Variants in ROS1 observed in about 807,000 individuals in gnomAD.
ROS1 encodes the protein proto-oncogene tyrosine-protein kinase ROS.
A neutral mutation model predicts 273.5 loss-of-function variants in ROS1; 263 were observed. The ratio of observed to expected loss-of-function variants is 0.96; its 90% CI spans 0.87 to 1.06. The LOEUF (loss-of-function observed/expected upper bound fraction) is 1.06. ROS1 is among the 50% of genes least tolerant of loss of function. The probability of loss-of-function intolerance (pLI) is 0.00; values close to 1 mark genes in which losing one functional copy is unlikely to be tolerated. For synonymous variants in ROS1, 1,008 were observed against 954.1 expected (o/e 1.06, Z -1.04); for missense variants, 2,833 against 2,751.1 (o/e 1.03, Z -0.67).
intron 4 of ROS1, 148 bp downstream of exon 4, chr6:117,414,371 T>C (rs1775171798): frequency 1.6e-6 from 1 of 632,218 alleles, no homozygotes; most frequent in Non-Finnish European, 2.8e-6. Context: ...TACAGTCATC[T>C]GTATACTCAG....
At chr6:117,325,451 A>T (rs1441078228) in intron 34 of ROS1, among the ~76,000 whole-genome samples, 1 of 152,150 alleles carries the variant, frequency 6.6e-6, no homozygotes, top group Non-Finnish European at 1.5e-5. Context: ...GATAAACCAC[A>T]ATTGGAGGAT....
chr6:117,380,133 T>C (rs890757519), intron 17 of ROS1, among the ~76,000 whole-genome samples: 6 of 152,126 alleles, frequency 3.9e-5, no homozygotes, highest in Admixed American at 1.3e-4. Context: ...TTCGGAGCAG[T>C]GCAATCTCCC....
At chr6:117,375,270 T>C (rs186614054) in intron 18 of ROS1, among the ~76,000 whole-genome samples, 461 of 152,294 alleles carry the variant, frequency 3.0e-3, no homozygotes, top group Admixed American at 7.5e-3. Context: ...AATGATACAA[T>C]GGACTTTGGG....
intron 32 of ROS1, among the ~76,000 whole-genome samples, chr6:117,334,807 G>A (rs145913971): frequency 0.095 from 14,410 of 152,128 alleles, 872 homozygotes; most frequent in Middle Eastern, 0.14. Context: ...AACTGAAACT[G>A]GGCCCATTCC....
At chr6:117,403,559 T>C (rs1337105685) in intron 6 of ROS1, among the ~76,000 whole-genome samples, 1 of 152,118 alleles carries the variant, frequency 6.6e-6, no homozygotes, top group Non-Finnish European at 1.5e-5. Context: ...TATTTTTTTT[T>C]TTTCTAAACT....
intron 21 of ROS1, among the ~76,000 whole-genome samples, chr6:117,364,141 C>T (rs908508310): frequency 6.6e-6 from 1 of 152,158 alleles, no homozygotes; most frequent in South Asian, 2.1e-4. Context: ...TCAAGCAGAA[C>T]ATTCCTGGAT....
chr6:117,420,595 A>AAAT lies in ROS1; in HGVS notation c.124-2092_124-2090dup, dbSNP rs200795847. Among the ~76,000 whole-genome samples the AAAT allele has an allele frequency of 4.2e-3, 624 of 148,844 alleles. 2 individuals carry two copies. Among genetic ancestry groups the AAAT allele is most frequent in the East Asian group, 0.03 (152 of 5,122 alleles). Reference sequence around the variant, plus strand: ...TAAAGTATAATAATAATAAAATTTTAAATAATAATAATAATAATAATAATA... The same window carrying AAAT: ...TAAAGTATAATAATAATAAAATTTTAAATAATAATAATAATAATAATAATAATA... On this transcript the variant is annotated intron_variant, in intron 1 of 43. Coordinates refer to ENST00000368507, the MANE Select transcript of ROS1 (RefSeq NM_001378902.1).
At chr6:117,373,398 C>T (rs903625111) in intron 18 of ROS1, among the ~76,000 whole-genome samples, 7 of 152,380 alleles carry the variant, frequency 4.6e-5, no homozygotes, top group African/African-American at 1.7e-4. Context: ...GGGACTTGGG[C>T]ATGGCAGGAT....
intron 43 of ROS1, chr6:117,299,357 G>A (rs1362171373): frequency 6.6e-6 from 1 of 152,222 alleles, no homozygotes; most frequent in Non-Finnish European, 1.5e-5. Context: ...CACTCAAGGT[G>A]AAGGTCTCAT....
chr6:117,394,278 C>G lies in ROS1; in HGVS notation c.1075G>C (p.Ala359Pro), dbSNP rs765972514. Residue 359 changes from alanine to proline, a missense_variant, in exon 11 of 44, where the codon GCT (alanine) becomes CCT (proline). Ala to Pro is a conservative substitution (Grantham distance 27). Transcript: ENST00000368507. Reference protein sequence around the residue: ...SEGTLIWAKKAANMSDVSDLR... With the variant: ...SEGTLIWAKKPANMSDVSDLR... ...TCAGATACATCAGACATGTTGGCAGCCTTCTTCGCCCATATGAGAGTTCCT... is the reference window on the plus strand; with the variant it reads ...TCAGATACATCAGACATGTTGGCAGGCTTCTTCGCCCATATGAGAGTTCCT... The G allele has an allele frequency of 9.3e-6, 15 of 1,610,004 alleles. No individual in the cohort carries two copies. The highest frequency in any genetic ancestry group is 1.2e-5 in the Non-Finnish European group (14 of 1,178,728).
At position 117,418,316 on chromosome 6, in the gene ROS1, C is replaced by T. The variant is rs1775486163; in HGVS notation, c.168+146G>A. On this transcript the variant is annotated intron_variant, in intron 2 of 43. Transcript: ENST00000368507. ...CACTTCATTTTTATATAAATTCAGACTTCTCATTATTTTCAATTTGTCTTC... is the reference window on the plus strand; with the variant it reads ...CACTTCATTTTTATATAAATTCAGATTTCTCATTATTTTCAATTTGTCTTC... 4.7e-6 allele frequency: 3 copies of T among 635,312 alleles called. No homozygotes were observed. In the East Asian group the frequency reaches 9.3e-5, roughly 20 times the overall value. 39.4% of individuals were successfully genotyped at this position (635,312 alleles called of 1,614,324 possible).
chr6:117,369,034 T>C (rs1251321864), intron 18 of ROS1, among the ~76,000 whole-genome samples: 3 of 152,200 alleles, frequency 2.0e-5, no homozygotes, highest in African/African-American at 7.2e-5. Flanking sequence ...TGACTTGCAT[T>C]ATATTTGTAT....
intron 37 of ROS1, among the ~76,000 whole-genome samples, chr6:117,319,487 G>A (rs1339363640): frequency 1.3e-5 from 2 of 152,152 alleles, no homozygotes; most frequent in Admixed American, 1.3e-4. Flanking sequence ...GGCAGAGTCT[G>A]TATGGTCAGC....
chr6:117,297,349 T>TGAACAAAAATA (rs1774322357), intron 43 of ROS1, among the ~76,000 whole-genome samples: 1 of 152,022 alleles, frequency 6.6e-6, no homozygotes, highest in South Asian at 2.1e-4. Context: ...ACAGGCAACA[T>TGAACAAAAATA]GAACAAAAAT....
At chr6:117,376,928 T>C (rs990001486) in intron 18 of ROS1, among the ~76,000 whole-genome samples, 1 of 152,154 alleles carries the variant, frequency 6.6e-6, no homozygotes, top group East Asian at 1.9e-4. Flanking sequence ...AAAGATCAAG[T>C]ATAGCCAAAA....
Position 117,341,165 on chromosome 6 carries a change from G to T in ROS1, c.5031C>A (p.Asn1677Lys). 6.2e-7 allele frequency: 1 copy of T among 1,612,708 alleles called. No homozygotes were observed. Among genetic ancestry groups the T allele is most frequent in the Middle Eastern group, 1.7e-4 (1 of 6,048 alleles). Residue 1677 changes from asparagine (N) to lysine (K), a missense_variant, in exon 31 of 44, where the codon AAC becomes AAA. Transcript: ENST00000368507. ...GTAGCTCAACCCAAAATCTGATGAG[G>T]TTAACATTCAATGGAGCCTTCCAAT... is the stretch of plus-strand genomic sequence containing the variant. The part of the protein sequence containing the change: ...QFNWKAPLNV[N>K]LIRFWVELQK...
chr6:117,404,810 G>A (rs1247899690), intron 5 of ROS1, among the ~76,000 whole-genome samples: 1 of 152,196 alleles, frequency 6.6e-6, no homozygotes, highest in Non-Finnish European at 1.5e-5. Context: ...ATCCTGGGAT[G>A]TGTACCCCAA....
intron 14 of ROS1, 34 bp downstream of exon 14, chr6:117,387,744 TGA>T (rs1463543574): frequency 6.3e-7 from 1 of 1,587,404 alleles, no homozygotes; most frequent in East Asian, 2.2e-5. Flanking sequence ...CCTCTTTTTG[TGA>T]GAGTCACTCC....
rs368992230 is a variant in ROS1, at chr6:117,318,283, G to T, written c.5923-31C>A. Reference sequence around the variant, plus strand: ...CAACATAAAAACAAGTCAGGAATCAGTATAGCAGACATTTCTGTGAGCTCA... The same window carrying T: ...CAACATAAAAACAAGTCAGGAATCATTATAGCAGACATTTCTGTGAGCTCA... On this transcript the variant is annotated intron_variant, in intron 37 of 43. Transcript: ENST00000368507. The T allele has an allele frequency of 3.4e-5, 53 of 1,541,114 alleles. No individual in the cohort carries two copies. The African/African-American group carries it at 6.2e-4, about 18-fold the overall frequency.
Sources: allele counts gnomAD v4.1 joint callset (sites outside exome capture counted in the v4.1 genomes callset), GRCh38; gene constraint gnomAD v4.1.1; transcripts MANE v1.5; gene names NCBI Gene and HGNC (gene_info 2026-07-23, HGNC 2026-07-21).